LAMA2: variants seen among roughly 807,000 people sequenced by gnomAD.
LAMA2 encodes the protein laminin subunit alpha 2, also known as laminin subunit alpha-2.
A neutral mutation model predicts 364.8 loss-of-function variants in LAMA2; 269 were observed. The ratio of observed to expected loss-of-function variants is 0.74; its 90% CI spans 0.67 to 0.82. The LOEUF (loss-of-function observed/expected upper bound fraction) is 0.82, where lower values mean the gene tolerates loss of function less well. LAMA2 is among the 40% of genes least tolerant of loss of function. LAMA2 has a pLI of 0.00. For synonymous variants in LAMA2, 1,379 were observed against 1,370.6 expected (o/e 1.01, Z -0.14); for missense variants, 3,807 against 3,873.2 (o/e 0.98, Z 0.45).
intron 8 of LAMA2, 102 bp downstream of exon 8, chr6:129,154,785 T>G: frequency 2.2e-6 from 2 of 928,708 alleles, no homozygotes; most frequent in South Asian, 2.9e-5. Context: ...CTGTAAACAG[T>G]TGAACTTCAA....
intron 18 of LAMA2, among the ~76,000 whole-genome samples, chr6:129,283,581 C>G (rs1788883715): frequency 6.6e-6 from 1 of 151,756 alleles, no homozygotes; most frequent in Non-Finnish European, 1.5e-5. Context: ...GGACTAATCT[C>G]ACAATTGCCA....
chr6:129,045,565 A>G (rs1787425957), intron 1 of LAMA2, among the ~76,000 whole-genome samples: 1 of 152,162 alleles, frequency 6.6e-6, no homozygotes. Context: ...AATTTATACA[A>G]TGGGTTATAT....
At chr6:129,031,298 T>C (rs1203648853) in intron 1 of LAMA2, among the ~76,000 whole-genome samples, 1 of 152,224 alleles carries the variant, frequency 6.6e-6, no homozygotes, top group Non-Finnish European at 1.5e-5. Context: ...GAAATACTTT[T>C]TCATGCAACA....
intron 4 of LAMA2, among the ~76,000 whole-genome samples, chr6:129,137,287 C>T (rs1777850839): frequency 6.6e-6 from 1 of 151,674 alleles, no homozygotes; most frequent in Non-Finnish European, 1.5e-5. Context: ...TAAAGACCTT[C>T]CAAACTAATT....
intron 1 of LAMA2, among the ~76,000 whole-genome samples, chr6:128,906,822 A>G (rs1691341695): frequency 6.7e-6 from 1 of 150,304 alleles, no homozygotes; most frequent in Admixed American, 6.6e-5. Flanking sequence ...ATAAGGTGTA[A>G]GGAAGGGATC....
intron 54 of LAMA2, 112 bp from the exon 55 acceptor site, chr6:129,481,149 CCT>C: frequency 4.9e-6 from 4 of 821,188 alleles, no homozygotes; most frequent in Non-Finnish European, 6.3e-6. Flanking sequence ...GCTTTCTAAA[CCT>C]ATGATGTATT....
At position 129,497,385 on chromosome 6, in the gene LAMA2, A is replaced by G. The variant is rs1403655266; in HGVS notation, c.8244+4902A>G. 3.9e-5 allele frequency among the ~76,000 whole-genome samples: 6 copies of G among 152,090 alleles called. No individual in the cohort carries two copies. The East Asian group carries it at 1.2e-3, about 29-fold the overall frequency. ...CCTGAGTAGCTGGGACTGCAGGTGC[A>G]TTCCACCATGCCCGGCTAATTTTTG... On this transcript the variant is annotated intron_variant, in intron 58 of 64. Coordinates refer to ENST00000421865, the MANE Select transcript of LAMA2 (RefSeq NM_000426.4).
chr6:128,903,105 G>A (rs1262647018), intron 1 of LAMA2, among the ~76,000 whole-genome samples: 3 of 151,846 alleles, frequency 2.0e-5, no homozygotes, highest in African/African-American at 7.3e-5. Context: ...AATTTACTTA[G>A]TGAAATACTG....
intron 40 of LAMA2, among the ~76,000 whole-genome samples, chr6:129,410,947 G>C (rs114827848): frequency 1.3e-5 from 2 of 152,128 alleles, no homozygotes; most frequent in Admixed American, 1.3e-4. Context: ...GAGAAAATGA[G>C]ATGAGATGTC....
Position 129,221,035 on chromosome 6 carries a change from G to A in LAMA2, c.1782+28182G>A, listed in dbSNP as rs180812647. On this transcript the variant is annotated intron_variant, in intron 12 of 64. Transcript: ENST00000421865. The stretch of plus-strand genomic sequence containing the variant: ...AAATTAGCCGGGCATGGTGGCACAT[G>A]CCTGTAATCCCAGCTACTCGTGAGG... Among the ~76,000 whole-genome samples, 469 of 152,002 alleles carry A rather than the reference G, an allele frequency of 3.1e-3. 2 individuals carry two copies. Among genetic ancestry groups the A allele is most frequent in the African/African-American group, 0.011 (458 of 41,452 alleles).
intron 56 of LAMA2, among the ~76,000 whole-genome samples, chr6:129,490,113 T>A (rs369940052): frequency 6.6e-6 from 1 of 152,226 alleles, no homozygotes; most frequent in East Asian, 1.9e-4. Flanking sequence ...AAAGAAATGA[T>A]CTAGATTTGA....
rs1200080918 is a variant in LAMA2, at chr6:129,452,951, T to A, written c.6430-37T>A. On this transcript the variant is annotated intron_variant, in intron 45 of 64. Transcript: ENST00000421865. ...AAGCTACTTCAAACTTTCTGAGAGA[T>A]TTACTCTTGGTTCTTTGTATCTTGT... 9 of 1,599,140 alleles carry A rather than the reference T, an allele frequency of 5.6e-6. No homozygotes were observed. In the South Asian group the frequency reaches 9.9e-5, roughly 18 times the overall value.
chr6:128,917,709 TCTTTC>T (rs1283953780), intron 1 of LAMA2, among the ~76,000 whole-genome samples: 5 of 116,982 alleles, frequency 4.3e-5, no homozygotes, highest in African/African-American at 1.5e-4. Context: ...CTTTTTTTTT[TCTTTC>T]TTTCTTTCTT....
intron 4 of LAMA2, among the ~76,000 whole-genome samples, chr6:129,108,668 A>C (rs1775970799): frequency 6.6e-6 from 1 of 152,156 alleles, no homozygotes; most frequent in South Asian, 2.1e-4. Context: ...CCAAAAGCTA[A>C]TAGCAATACA....
intron 43 of LAMA2, among the ~76,000 whole-genome samples, chr6:129,441,949 C>T (rs1040208046): frequency 2.0e-5 from 3 of 151,812 alleles, no homozygotes; most frequent in African/African-American, 7.3e-5. Flanking sequence ...CGCCACTGCA[C>T]TCCAGCCTGG....
intron 1 of LAMA2, among the ~76,000 whole-genome samples, chr6:129,021,220 A>G (rs1486609665): frequency 6.6e-6 from 1 of 152,186 alleles, no homozygotes; most frequent in Non-Finnish European, 1.5e-5. Context: ...AAATTACAAT[A>G]TCTTATGAAC....
At chr6:129,148,173 A>G (rs1454264904) in intron 6 of LAMA2, among the ~76,000 whole-genome samples, 7 of 152,100 alleles carry the variant, frequency 4.6e-5, no homozygotes, top group Admixed American at 3.3e-4. Flanking sequence ...CTACGCTGCC[A>G]TAAAAAGGAA....
chr6:129,225,503 A>C (rs1784191242), intron 12 of LAMA2, among the ~76,000 whole-genome samples: 1 of 152,092 alleles, frequency 6.6e-6, no homozygotes, highest in Non-Finnish European at 1.5e-5. Context: ...ACACTGCTTT[A>C]AATGTGTCCC....
chr6:129,315,264 G>A (rs903811879), intron 24 of LAMA2, among the ~76,000 whole-genome samples: 1 of 152,178 alleles, frequency 6.6e-6, no homozygotes, highest in African/African-American at 2.4e-5. Context: ...AAAGGCTCCA[G>A]TGTCCACAGA....
Sources: gnomAD v4.1 joint callset for allele counts (sites outside exome capture counted in the v4.1 genomes callset) on GRCh38, gnomAD v4.1.1 for gene constraint, MANE v1.5 for transcripts, NCBI Gene and HGNC (gene_info 2026-07-23, HGNC 2026-07-21) for gene names.